Variants in PRKD1 observed in about 807,000 individuals in gnomAD.
PRKD1 encodes the protein serine/threonine-protein kinase D1.
Under a neutral mutation model 95.9 loss-of-function variants are expected in PRKD1, and 63 were observed. That is an observed-to-expected ratio of 0.66 (90% CI 0.54 to 0.81). The LOEUF is 0.81. Ranked by LOEUF, PRKD1 falls within the 30% of genes least tolerant of loss-of-function variation. The pLI, the probability that PRKD1 is intolerant of heterozygous loss-of-function variation, is 0.00. For missense variants in PRKD1, 1,048 were observed against 1,165.3 expected, an observed-to-expected ratio of 0.90 and a Z score of 1.47; for synonymous variants, 425 against 423.1, an observed-to-expected ratio of 1.00 and a Z score of -0.05.
At chr14:29,804,680 G>T (rs1387893887) in intron 1 of PRKD1, among the ~76,000 whole-genome samples, 1 of 151,936 alleles carries the variant, frequency 6.6e-6, no homozygotes, top group Non-Finnish European at 1.5e-5. Context: ...ATCAATGCAA[G>T]TCATTGTTAG....
At chr14:29,850,994 G>A (rs1164247160) in intron 1 of PRKD1, among the ~76,000 whole-genome samples, 1 of 151,952 alleles carries the variant, frequency 6.6e-6, no homozygotes, top group East Asian at 1.9e-4. Context: ...AATAAGCAAT[G>A]GGGAAAGGAC....
chr14:29,907,717 C>T (rs559750157), intron 1 of PRKD1, among the ~76,000 whole-genome samples: 3 of 152,208 alleles, frequency 2.0e-5, no homozygotes, highest in African/African-American at 7.2e-5. Context: ...GAAACATGGA[C>T]GTGTCAAAGA....
chr14:29,693,392 C>G (rs7142179), intron 2 of PRKD1, among the ~76,000 whole-genome samples: 4 of 151,614 alleles, frequency 2.6e-5, no homozygotes, highest in Admixed American at 2.6e-4. Flanking sequence ...TCCCTAGAGG[C>G]GTAAAAAATG....
At chr14:29,735,504 G>T (rs45461395) in intron 1 of PRKD1, among the ~76,000 whole-genome samples, 5 of 152,158 alleles carry the variant, frequency 3.3e-5, no homozygotes, top group African/African-American at 1.2e-4. Context: ...GGGCTGGGGC[G>T]TGTATGAAAA....
intron 1 of PRKD1, among the ~76,000 whole-genome samples, chr14:29,827,514 A>T (rs1416207307): frequency 6.6e-6 from 1 of 152,082 alleles, no homozygotes; most frequent in Non-Finnish European, 1.5e-5. Flanking sequence ...TCTTGCTCTG[A>T]GTACCATGCT....
At chr14:29,849,765 T>C (rs1892231762) in intron 1 of PRKD1, among the ~76,000 whole-genome samples, 1 of 151,222 alleles carries the variant, frequency 6.6e-6, no homozygotes, top group South Asian at 2.1e-4. Flanking sequence ...AAAACTGCAG[T>C]TCGATATCCC....
intron 11 of PRKD1, among the ~76,000 whole-genome samples, chr14:29,627,548 G>GA (rs1879706137): frequency 6.6e-6 from 1 of 152,080 alleles, no homozygotes; most frequent in Non-Finnish European, 1.5e-5. Context: ...ATTTCATTCT[G>GA]ATGAAATCAC....
chr14:29,683,116 C>T lies in PRKD1; in HGVS notation c.404-16908G>A, dbSNP rs138847463. Among the ~76,000 whole-genome samples, 746 of 152,180 alleles carry T rather than the reference C, an allele frequency of 4.9e-3. 3 individuals carry two copies. The highest frequency in any genetic ancestry group is 0.031 in the Middle Eastern group (9 of 292). ...CTGGAAGACTGATGTGCAGGATGGA[C>T]TGTAGAGAGGAAGGATTGCAGAGAA... On this transcript the variant is annotated intron_variant, in intron 2 of 17. Coordinates refer to ENST00000331968, the MANE Select transcript of PRKD1 (RefSeq NM_002742.3).
chr14:29,820,085 G>A (rs1473360787), intron 1 of PRKD1, among the ~76,000 whole-genome samples: 10 of 152,162 alleles, frequency 6.6e-5, no homozygotes, highest in Non-Finnish European at 1.0e-4. Flanking sequence ...CCTCCACAAT[G>A]AGAAGGTGAG....
chr14:29,910,883 T>C (rs1894685195), intron 1 of PRKD1, among the ~76,000 whole-genome samples: 1 of 152,102 alleles, frequency 6.6e-6, no homozygotes, highest in South Asian at 2.1e-4. Flanking sequence ...ATCGAGCCAA[T>C]AAGACAACTG....
chr14:29,875,253 A>T (rs1893245666), intron 1 of PRKD1, among the ~76,000 whole-genome samples: 1 of 152,102 alleles, frequency 6.6e-6, no homozygotes, highest in Non-Finnish European at 1.5e-5. Context: ...GGTGACGGGG[A>T]AGTACACAAA....
At chr14:29,588,904 T>C (rs972854231) in intron 16 of PRKD1, among the ~76,000 whole-genome samples, 5 of 152,054 alleles carry the variant, frequency 3.3e-5, no homozygotes, top group Admixed American at 6.6e-5. Flanking sequence ...CATGTGACTC[T>C]GAAGCTGAGC....
intron 2 of PRKD1, among the ~76,000 whole-genome samples, chr14:29,686,937 T>C (rs566773248): frequency 6.6e-6 from 1 of 152,288 alleles, no homozygotes; most frequent in East Asian, 1.9e-4. Flanking sequence ...CATGACTTTT[T>C]TGTCAGAGCC....
intron 1 of PRKD1, among the ~76,000 whole-genome samples, chr14:29,892,223 T>C (rs1467048876): frequency 6.6e-6 from 1 of 152,146 alleles, no homozygotes; most frequent in Non-Finnish European, 1.5e-5. Context: ...TTCTTTCATT[T>C]CCAAACACAT....
chr14:29,842,264 A>T (rs1891883254), intron 1 of PRKD1, among the ~76,000 whole-genome samples: 1 of 152,260 alleles, frequency 6.6e-6, no homozygotes, highest in Non-Finnish European at 1.5e-5. Context: ...TACATAAATC[A>T]GCAATATACT....
intron 16 of PRKD1, among the ~76,000 whole-genome samples, chr14:29,587,219 A>G (rs977498493): frequency 6.6e-6 from 1 of 152,182 alleles, no homozygotes; most frequent in African/African-American, 2.4e-5. Flanking sequence ...TGGGCTGCTC[A>G]TGAAATTGTG....
intron 2 of PRKD1, among the ~76,000 whole-genome samples, chr14:29,692,058 T>C (rs1200376537): frequency 6.6e-6 from 1 of 152,170 alleles, no homozygotes; most frequent in East Asian, 1.9e-4. Flanking sequence ...AAATTCAATA[T>C]TTTAAATGTG....
chr14:29,799,287 T>G (rs2139213324), intron 1 of PRKD1, among the ~76,000 whole-genome samples: 1 of 152,354 alleles, frequency 6.6e-6, no homozygotes, highest in East Asian at 1.9e-4. Context: ...ACTGACTCTG[T>G]AAATCTTGGT....
intron 16 of PRKD1, among the ~76,000 whole-genome samples, chr14:29,592,118 G>A (rs777538787): frequency 1.3e-5 from 2 of 151,948 alleles, no homozygotes; most frequent in African/African-American, 4.8e-5. Flanking sequence ...AGCCTAATCC[G>A]GTATGAGATA....
Sources: gnomAD v4.1 joint callset for allele counts (sites outside exome capture counted in the v4.1 genomes callset) on GRCh38, gnomAD v4.1.1 for gene constraint, MANE v1.5 for transcripts, NCBI Gene and HGNC (gene_info 2026-07-23, HGNC 2026-07-21) for gene names.